PKNOX2: variants seen among roughly 807,000 people sequenced by gnomAD.
PKNOX2 encodes the protein homeobox protein PKNOX2.
A neutral mutation model predicts 53.1 loss-of-function variants in PKNOX2; 14 were observed. That is an observed-to-expected ratio of 0.26 (90% confidence interval 0.17 to 0.41). The LOEUF (loss-of-function observed/expected upper bound fraction) is 0.41. PKNOX2 is among the 10% of genes least tolerant of loss of function. PKNOX2 has a pLI of 1.00. For missense variants in PKNOX2, 496 were observed against 602.8 expected (o/e 0.82, Z 1.85); for synonymous variants, 257 against 242.8 (o/e 1.06, Z -0.54).
At chr11:125,404,807 G>A (rs139410315) in intron 7 of PKNOX2, among the ~76,000 whole-genome samples, 1 of 152,296 alleles carries the variant, frequency 6.6e-6, no homozygotes, top group Non-Finnish European at 1.5e-5. Flanking sequence ...AGGGAAAGAC[G>A]ACGCCTGCAT....
At chr11:125,427,539 G>C (rs1019667999) in intron 10 of PKNOX2, among the ~76,000 whole-genome samples, 1 of 152,082 alleles carries the variant, frequency 6.6e-6, no homozygotes, top group East Asian at 1.9e-4. Context: ...AAGAGTATTC[G>C]TACCTTTTAT....
chr11:125,351,872 G>A (rs1951344745), intron 4 of PKNOX2, among the ~76,000 whole-genome samples: 1 of 152,088 alleles, frequency 6.6e-6, no homozygotes, highest in African/African-American at 2.4e-5. Flanking sequence ...GAGAATCTCT[G>A]TTCTCTTCAG....
chr11:125,270,608 G>T (rs543185965), intron 2 of PKNOX2, among the ~76,000 whole-genome samples: 1 of 152,092 alleles, frequency 6.6e-6, no homozygotes, highest in Non-Finnish European at 1.5e-5. Context: ...ATAATGAGGG[G>T]ACAGCTAATA....
At chr11:125,222,629 GTGTGTATGTGTGTGCGTATGTGTGTGC>G (rs1555120663) in intron 1 of PKNOX2, among the ~76,000 whole-genome samples, 1 of 149,570 alleles carries the variant, frequency 6.7e-6, no homozygotes, top group Non-Finnish European at 1.5e-5. Context: ...GTGTATGTGT[GTGTGTATGTGTGTGCGTATGTGTGTGC>G]TGTGTATGTG....
intron 2 of PKNOX2, among the ~76,000 whole-genome samples, chr11:125,324,974 G>A (rs1949748845): frequency 6.6e-6 from 1 of 152,164 alleles, no homozygotes; most frequent in South Asian, 2.1e-4. Flanking sequence ...GAGACAGGCA[G>A]GGCCTTGCAG....
intron 2 of PKNOX2, among the ~76,000 whole-genome samples, chr11:125,330,704 A>G (rs931637044): frequency 1.1e-4 from 16 of 151,904 alleles, no homozygotes; most frequent in Non-Finnish European, 1.2e-4. Flanking sequence ...ACACACATAC[A>G]CATACACACA....
chr11:125,255,760 C>T (rs547233571), intron 2 of PKNOX2, among the ~76,000 whole-genome samples: 14 of 152,166 alleles, frequency 9.2e-5, no homozygotes, highest in South Asian at 4.2e-4. Context: ...TTCTGGAAGT[C>T]GCCCTGCCAA....
chr11:125,389,552 G>A (rs1329055965), intron 6 of PKNOX2, among the ~76,000 whole-genome samples: 1 of 152,094 alleles, frequency 6.6e-6, no homozygotes, highest in African/African-American at 2.4e-5. Flanking sequence ...AGCCGCAGGG[G>A]CTCACCAGGA....
intron 3 of PKNOX2, among the ~76,000 whole-genome samples, chr11:125,347,633 T>C (rs1322914351): frequency 1.3e-5 from 2 of 151,892 alleles, no homozygotes; most frequent in Non-Finnish European, 2.9e-5. Flanking sequence ...TTTTATGACT[T>C]TGCATCCACT....
intron 2 of PKNOX2, among the ~76,000 whole-genome samples, chr11:125,236,998 G>A (rs1289088682): frequency 6.6e-6 from 1 of 152,196 alleles, no homozygotes; most frequent in African/African-American, 2.4e-5. Context: ...AATTCAGAAA[G>A]GGCGTGGTGG....
At chr11:125,220,965 C>T (rs1036877798) in intron 1 of PKNOX2, among the ~76,000 whole-genome samples, 1 of 152,094 alleles carries the variant, frequency 6.6e-6, no homozygotes, top group African/African-American at 2.4e-5. Flanking sequence ...CACAGCCTGG[C>T]CCACATAGTG....
At chr11:125,187,133 A>G (rs1956496755) in intron 1 of PKNOX2, among the ~76,000 whole-genome samples, 1 of 152,210 alleles carries the variant, frequency 6.6e-6, no homozygotes. Context: ...TAAAATTTAA[A>G]GTTGGGAAGT....
intron 2 of PKNOX2, among the ~76,000 whole-genome samples, chr11:125,244,647 G>A (rs1485940018): frequency 6.6e-6 from 1 of 152,258 alleles, no homozygotes; most frequent in Non-Finnish European, 1.5e-5. Context: ...CTATTTGTGA[G>A]TGTTTTGCAA....
chr11:125,225,803 G>T (rs1941633815), intron 1 of PKNOX2, among the ~76,000 whole-genome samples: 1 of 152,192 alleles, frequency 6.6e-6, no homozygotes, highest in Non-Finnish European at 1.5e-5. Flanking sequence ...GCAAAATGAG[G>T]TCTTGTTAGC....
intron 4 of PKNOX2, among the ~76,000 whole-genome samples, chr11:125,364,635 T>G (rs537522463): frequency 6.6e-6 from 1 of 152,362 alleles, no homozygotes; most frequent in East Asian, 1.9e-4. Flanking sequence ...TCAGACGAGC[T>G]GTGCAGATGT....
In PKNOX2 at chr11:125,331,348, C is replaced by T. The variant is rs12795480; in HGVS notation, c.-129-471C>T. Among the ~76,000 whole-genome samples the T allele has an allele frequency of 9.9e-5, 15 of 151,998 alleles. 1 individual carries two copies. The highest frequency in any genetic ancestry group is 2.9e-5 in the Non-Finnish European group (2 of 68,002). On this transcript the variant is annotated intron_variant, in intron 2 of 12. Coordinates refer to ENST00000298282, the MANE Select transcript of PKNOX2 (RefSeq NM_001382323.2). ...GACACCTCCCCACCCACCCTAACCC[C>T]TCAGTGTCTCTCCAGACCCCAGTCG...
chr11:125,395,275 T>C (rs1385135419), intron 6 of PKNOX2, among the ~76,000 whole-genome samples: 1 of 152,250 alleles, frequency 6.6e-6, no homozygotes, highest in Non-Finnish European at 1.5e-5. Flanking sequence ...TGCTGAGTTA[T>C]ATTCCATGAT....
intron 5 of PKNOX2, among the ~76,000 whole-genome samples, chr11:125,380,435 G>A (rs1953141235): frequency 6.6e-6 from 1 of 152,138 alleles, no homozygotes; most frequent in Non-Finnish European, 1.5e-5. Context: ...CATGGGGAGA[G>A]AAGAGCGAAG....
At chr11:125,179,836 T>G (rs1956051798) in intron 1 of PKNOX2, among the ~76,000 whole-genome samples, 1 of 152,174 alleles carries the variant, frequency 6.6e-6, no homozygotes, top group African/African-American at 2.4e-5. Flanking sequence ...TCCATGATGG[T>G]GGGGGTGGAG....
Sources: gnomAD v4.1 joint callset for allele counts (sites outside exome capture counted in the v4.1 genomes callset) on GRCh38, gnomAD v4.1.1 for gene constraint, MANE v1.5 for transcripts, NCBI Gene and HGNC (gene_info 2026-07-23, HGNC 2026-07-21) for gene names.